CCDC175: variants seen among roughly 807,000 people sequenced by gnomAD.
The protein encoded by CCDC175 is coiled-coil domain-containing protein 175.
A neutral mutation model predicts 114.6 loss-of-function variants in CCDC175; 100 were observed. The observed-to-expected ratio is 0.87, with a 90% CI of 0.74 to 1.03. The LOEUF is 1.03. Ranked by LOEUF, CCDC175 falls within the 50% of genes least tolerant of loss-of-function variation. The probability of loss-of-function intolerance (pLI) is 0.00; values close to 1 mark genes in which losing one functional copy is unlikely to be tolerated. For synonymous variants in CCDC175, 306 were observed against 308.7 expected (o/e 0.99, Z 0.09); for missense variants, 880 against 917.8 (o/e 0.96, Z 0.53).
chr14:59,566,639 T>C (rs1006808397), intron 4 of CCDC175, among the ~76,000 whole-genome samples: 9 of 152,126 alleles, frequency 5.9e-5, no homozygotes, highest in Non-Finnish European at 1.3e-4. Context: ...ACTAGGTGTG[T>C]TGTGATGGGC....
chr14:59,570,859 C>T (rs996763051), intron 3 of CCDC175, among the ~76,000 whole-genome samples: 2 of 152,190 alleles, frequency 1.3e-5, no homozygotes, highest in Admixed American at 6.5e-5. Context: ...CTGCCTCAGC[C>T]TCCTGAGTAG....
chr14:59,514,172 C>T (rs1475670236), intron 17 of CCDC175, among the ~76,000 whole-genome samples: 1 of 152,128 alleles, frequency 6.6e-6, no homozygotes, highest in East Asian at 1.9e-4. Context: ...CTGTACGTCA[C>T]CATCATCAAA....
chr14:59,552,855 A>G (rs1159978224), intron 7 of CCDC175, among the ~76,000 whole-genome samples: 1 of 129,018 alleles, frequency 7.8e-6, no homozygotes, highest in African/African-American at 2.6e-5. Context: ...CAACTGGAAG[A>G]AAGGGTATCA....
chr14:59,512,509 T>C (rs142328775), intron 17 of CCDC175, among the ~76,000 whole-genome samples: 1 of 152,342 alleles, frequency 6.6e-6, no homozygotes, highest in Admixed American at 6.5e-5. Flanking sequence ...ATTTCCTTCA[T>C]ACTTTGCCCT....
chr14:59,528,887 T>A (rs977011320), intron 14 of CCDC175, among the ~76,000 whole-genome samples: 3 of 152,206 alleles, frequency 2.0e-5, no homozygotes, highest in Non-Finnish European at 2.9e-5. Flanking sequence ...TCTTTAAGCA[T>A]CATTTTCTTT....
At chr14:59,523,764 C>T (rs8014157) in intron 16 of CCDC175, among the ~76,000 whole-genome samples, 9,291 of 152,106 alleles carry the variant, frequency 0.061, 372 homozygotes, top group Middle Eastern at 0.11. Flanking sequence ...CCGAGGCGGG[C>T]GGATCACAAG....
chr14:59,563,086 G>A (rs1896314597), intron 6 of CCDC175, among the ~76,000 whole-genome samples: 3 of 152,112 alleles, frequency 2.0e-5, no homozygotes, highest in Non-Finnish European at 2.9e-5. Flanking sequence ...ATTGTGATAA[G>A]AAGTTAACAG....
intron 13 of CCDC175, among the ~76,000 whole-genome samples, chr14:59,533,094 T>G (rs1409650801): frequency 6.6e-6 from 1 of 152,184 alleles, no homozygotes; most frequent in Non-Finnish European, 1.5e-5. Flanking sequence ...CCCACCAAAG[T>G]GATACTTCAG....
At chr14:59,567,559 A>T (rs1315773040) in intron 4 of CCDC175, among the ~76,000 whole-genome samples, 1 of 152,174 alleles carries the variant, frequency 6.6e-6, no homozygotes, top group Non-Finnish European at 1.5e-5. Context: ...CATAGGGGTA[A>T]TTCTTCAAGG....
intron 8 of CCDC175, among the ~76,000 whole-genome samples, chr14:59,550,665 C>G (rs913321790): frequency 6.6e-6 from 1 of 152,120 alleles, no homozygotes; most frequent in East Asian, 1.9e-4. Context: ...GTCCAAGTAC[C>G]AAAGCTGAAG....
At chr14:59,518,194 C>G (rs916418572) in intron 17 of CCDC175, among the ~76,000 whole-genome samples, 145 of 152,082 alleles carry the variant, frequency 9.5e-4, no homozygotes, top group Non-Finnish European at 1.7e-3. Context: ...AGACTTAAAT[C>G]TTAGACCTAA....
chr14:59,575,237 A>C (rs1897043004), intron 1 of CCDC175, among the ~76,000 whole-genome samples: 1 of 152,234 alleles, frequency 6.6e-6, no homozygotes, highest in African/African-American at 2.4e-5. Context: ...CTTGAGGACA[A>C]ATGTGCTGGA....
chr14:59,517,232 T>C (rs979043249), intron 17 of CCDC175, among the ~76,000 whole-genome samples: 1 of 152,156 alleles, frequency 6.6e-6, no homozygotes, highest in African/African-American at 2.4e-5. Context: ...GGGCAAAAAC[T>C]GGAAGCATTC....
chr14:59,550,313 C>T (rs1328718289), intron 8 of CCDC175, among the ~76,000 whole-genome samples: 1 of 152,006 alleles, frequency 6.6e-6, no homozygotes, highest in Non-Finnish European at 1.5e-5. Flanking sequence ...TATTACTCAC[C>T]CTCACCCCCA....
At chr14:59,557,960 T>A (rs1896013199) in intron 7 of CCDC175, among the ~76,000 whole-genome samples, 1 of 152,170 alleles carries the variant, frequency 6.6e-6, no homozygotes. Flanking sequence ...TACTATTAAG[T>A]GCTCCAAAGA....
At chr14:59,570,975 T>G (rs1896815206) in intron 3 of CCDC175, among the ~76,000 whole-genome samples, 1 of 152,076 alleles carries the variant, frequency 6.6e-6, no homozygotes, top group Non-Finnish European at 1.5e-5. Context: ...ACTCCTGACC[T>G]TGTGATCCAC....
chr14:59,510,898 T>A, intron 18 of CCDC175, 90 bp from the exon 19 acceptor site: 1 of 1,095,122 alleles, frequency 9.1e-7, no homozygotes, highest in Non-Finnish European at 1.3e-6. Context: ...CAAAAAAAAA[T>A]ATTATATATG....
intron 16 of CCDC175, among the ~76,000 whole-genome samples, chr14:59,524,546 T>C (rs955828070): frequency 2.0e-4 from 31 of 152,196 alleles, no homozygotes; most frequent in African/African-American, 5.5e-4. Flanking sequence ...TACACACCCA[T>C]TAGAATGGTT....
chr14:59,508,054 T>A (rs1892527245), intron 19 of CCDC175, among the ~76,000 whole-genome samples: 1 of 152,012 alleles, frequency 6.6e-6, no homozygotes, highest in Non-Finnish European at 1.5e-5. Flanking sequence ...TGCCTATTGT[T>A]CTAAGAATGC....
Sources: allele counts gnomAD v4.1 joint callset (sites outside exome capture counted in the v4.1 genomes callset), GRCh38; gene constraint gnomAD v4.1.1; transcripts MANE v1.5; gene names NCBI Gene and HGNC (gene_info 2026-07-23, HGNC 2026-07-21).